Variants in SC5D observed in about 807,000 individuals in gnomAD.
SC5D encodes lathosterol oxidase.
In SC5D, 21 loss-of-function variants were observed where a neutral mutation model predicts 23.9. The observed-to-expected ratio is 0.88, with a 90% CI of 0.62 to 1.26. The LOEUF (loss-of-function observed/expected upper bound fraction) is 1.26. Among genes scored for constraint, SC5D ranks in the 50% most tolerant of loss-of-function variants. SC5D has a pLI of 0.00. For missense variants in SC5D, 309 were observed against 364.8 expected (o/e 0.85, Z 1.25); for synonymous variants, 113 against 125.9 (o/e 0.90, Z 0.68).
At chr11:121,298,465 A>G (rs567108666) in intron 1 of SC5D, among the ~76,000 whole-genome samples, 78 of 152,232 alleles carry the variant, frequency 5.1e-4, no homozygotes, top group Non-Finnish European at 9.4e-4. Flanking sequence ...CAGCAATAAT[A>G]AATGTTTAAC....
At chr11:121,306,982 A>AT (rs1237945483) in intron 4 of SC5D, 75 bp from the exon 5 acceptor site, 1 of 1,223,674 alleles carries the variant, frequency 8.2e-7, no homozygotes, top group Non-Finnish European at 1.2e-6. Flanking sequence ...TGTTTCCAAC[A>AT]TGAGTGTGAG....
chr11:121,296,738 G>C (rs1245434571), intron 1 of SC5D, among the ~76,000 whole-genome samples: 1 of 152,108 alleles, frequency 6.6e-6, no homozygotes, highest in Non-Finnish European at 1.5e-5. Context: ...GTTCTTATTT[G>C]AATGAATTAA....
rs1043302469 is a variant in SC5D at position 121,308,396 on chromosome 11, T to G, written c.*884T>G. On this transcript the variant is annotated 3_prime_UTR_variant, in exon 5 of 5. Coordinates refer to ENST00000264027, the MANE Select transcript of SC5D (RefSeq NM_006918.5). ...CTTTTGATGTTTGAAGTTACAAACC[T>G]GTAATTTTTTTGTAAAGGAAATAAT... 14 of 152,230 alleles carry G rather than the reference T, an allele frequency of 9.2e-5. No homozygotes were observed. The highest frequency in any genetic ancestry group is 3.4e-4 in the African/African-American group (14 of 41,456). The allele number at this position is 152,230 out of a possible 1,614,324, so 9.4% of individuals were successfully genotyped here.
chr11:121,305,800 A>G (rs548835769), intron 3 of SC5D: 1 of 153,134 alleles, frequency 6.5e-6, no homozygotes, highest in East Asian at 1.9e-4. Flanking sequence ...GCTTTGAAAA[A>G]TGGATATGAT....
intron 1 of SC5D, among the ~76,000 whole-genome samples, chr11:121,293,829 G>A (rs1437072439): frequency 6.6e-6 from 1 of 152,184 alleles, no homozygotes; most frequent in Admixed American, 6.5e-5. Flanking sequence ...TCCCTCATCT[G>A]CATATAAAAC....
rs11415316 is a variant in SC5D at position 121,306,552 on chromosome 11, C to CT, written c.444+67dup. 2,050 of 839,646 alleles carry CT rather than the reference C, an allele frequency of 2.4e-3. 31 individuals carry two copies. The highest frequency in any genetic ancestry group is 0.024 in the African/African-American group (1,460 of 60,076). 52.0% of individuals were successfully genotyped at this position (839,646 alleles called of 1,614,324 possible). A position where few individuals can be genotyped will look rare whatever the true frequency, so the allele number is the denominator to read the frequency against. ...TTTCAGCAATGTATGATTATAAATTCTGTTCTCTATTTCCAAGAATTTCCT... is the reference window on the plus strand; with the variant it reads ...TTTCAGCAATGTATGATTATAAATTCTTGTTCTCTATTTCCAAGAATTTCCT... On this transcript the variant is annotated intron_variant, in intron 4 of 4. Coordinates refer to ENST00000264027, the MANE Select transcript of SC5D (RefSeq NM_006918.5).
rs1356531327 is a variant in SC5D, at chr11:121,310,678, T to A, written c.*3166T>A. Among the ~76,000 whole-genome samples, 1 of 152,068 alleles carries A rather than the reference T, an allele frequency of 6.6e-6. No homozygotes were observed. The highest frequency in any genetic ancestry group is 2.4e-5 in the African/African-American group (1 of 41,398). ...GGTTTCACCGTGTTAGCCAGGATGG[T>A]CTTGATCTCCTGACCTCATGATCTG... is the stretch of plus-strand genomic sequence containing the variant. On this transcript the variant is annotated 3_prime_UTR_variant, in exon 5 of 5. Transcript: ENST00000264027.
chr11:121,294,357 G>A (rs1947874422), intron 1 of SC5D, among the ~76,000 whole-genome samples: 1 of 152,008 alleles, frequency 6.6e-6, no homozygotes, highest in Non-Finnish European at 1.5e-5. Flanking sequence ...ATAGAACTTG[G>A]CAGAAGTTCA....
chr11:121,307,486 A>G lies in SC5D; in HGVS notation c.874A>G (p.Asn292Asp), dbSNP rs771541681. 5.0e-6 allele frequency: 8 copies of G among 1,605,778 alleles called. No individual in the cohort carries two copies. The highest frequency in any genetic ancestry group is 6.8e-6 in the Non-Finnish European group (8 of 1,177,120). ...GNGCKNEKLF[N>D]GEFTKTE is the part of the protein sequence containing the mutation. ...TGGCTGTAAGAATGAAAAATTATTCAATGGAGAGTTTACAAAGACTGAATA... is the reference window on the plus strand; with the variant it reads ...TGGCTGTAAGAATGAAAAATTATTCGATGGAGAGTTTACAAAGACTGAATA... Residue 292 changes from asparagine to aspartate, a missense_variant, in exon 5 of 5, where the codon AAT becomes GAT. Physicochemically the swap from Asn to Asp is conservative, Grantham distance 23. Transcript: ENST00000264027.
Position 121,310,382 on chromosome 11 carries a change from G to A in SC5D, c.*2870G>A, listed in dbSNP as rs949521012. On this transcript the variant is annotated 3_prime_UTR_variant, in exon 5 of 5. Coordinates refer to ENST00000264027, the MANE Select transcript of SC5D (RefSeq NM_006918.5). ...GGTGGGGCCTTGAGGAAGTGATTAA[G>A]TCATGAGGGCTCTGGGATTAATGAC... Among the ~76,000 whole-genome samples, 2 of 151,804 alleles carry A rather than the reference G, an allele frequency of 1.3e-5. No homozygotes were observed. The highest frequency in any genetic ancestry group is 2.9e-5 in the Non-Finnish European group (2 of 67,944).
In SC5D at chr11:121,307,732, A is replaced by C. The variant is rs192695606; in HGVS notation, c.*220A>C. 1 of 471,186 alleles carries C rather than the reference A, an allele frequency of 2.1e-6. No individual in the cohort carries two copies. Among genetic ancestry groups the C allele is most frequent in the East Asian group, 3.7e-5 (1 of 27,242 alleles). 29.2% of individuals were successfully genotyped at this position (471,186 alleles called of 1,614,324 possible). On this transcript the variant is annotated 3_prime_UTR_variant, in exon 5 of 5. Transcript: ENST00000264027. ...TTTAATCTTATGCTTAAAATGCCAGATGTTGTTCGGGGGACAACTTGTATC... is the reference window on the plus strand; with the variant it reads ...TTTAATCTTATGCTTAAAATGCCAGCTGTTGTTCGGGGGACAACTTGTATC...
At chr11:121,304,267 A>G in intron 2 of SC5D, 94 bp from the exon 3 acceptor site, 1 of 1,171,772 alleles carries the variant, frequency 8.5e-7, no homozygotes, top group East Asian at 2.4e-5. Context: ...CTTCATGTAA[A>G]AGAGATTTTA....
chr11:121,296,202 T>C (rs772634782), intron 1 of SC5D, among the ~76,000 whole-genome samples: 4 of 152,302 alleles, frequency 2.6e-5, no homozygotes, highest in Non-Finnish European at 4.4e-5. Flanking sequence ...ATGGTTTTTA[T>C]GAAATGTGGG....
At chr11:121,299,523 A>G (rs1023035290) in intron 1 of SC5D, among the ~76,000 whole-genome samples, 2 of 152,258 alleles carry the variant, frequency 1.3e-5, no homozygotes, top group African/African-American at 4.8e-5. Flanking sequence ...TTGTTAATAT[A>G]CAAATGAATT....
At position 121,305,604 on chromosome 11, in the gene SC5D, G is replaced by A. The variant is rs562387485; in HGVS notation, c.344-782G>A. On this transcript the variant is annotated intron_variant, in intron 3 of 4. Transcript: ENST00000264027. The stretch of plus-strand genomic sequence containing the variant: ...TAGCGGGGTGTGGTGGTGCACACCT[G>A]TAGTCCCAGCTACTCAGGAGGGTGA... 6 of 152,454 alleles carry A rather than the reference G, an allele frequency of 3.9e-5. No individual in the cohort carries two copies. The South Asian group carries it at 6.2e-4, about 16-fold the overall frequency. The allele number at this position is 152,454 out of a possible 1,614,324, so 9.4% of individuals were successfully genotyped here.
chr11:121,300,449 C>A (rs987426688), intron 1 of SC5D, among the ~76,000 whole-genome samples: 2 of 152,144 alleles, frequency 1.3e-5, no homozygotes, highest in South Asian at 4.1e-4. Flanking sequence ...ATCTCTCTGG[C>A]AATTCTCAAG....
intron 1 of SC5D, among the ~76,000 whole-genome samples, chr11:121,298,027 G>C: frequency 6.6e-6 from 1 of 151,804 alleles, no homozygotes; most frequent in East Asian, 1.9e-4. Flanking sequence ...CTTTTTCTTT[G>C]GGTCTTGCTC....
In SC5D at chr11:121,303,018, TC is replaced by T. The variant is rs1474246772; in HGVS notation, c.-10-345del. Among the ~76,000 whole-genome samples, 11 of 152,288 alleles carry T rather than the reference TC, an allele frequency of 7.2e-5. No homozygotes were observed. In the East Asian group the frequency reaches 1.4e-3, roughly 19 times the overall value. ...TGTCTGAGTACCTAGTCCCCTGCAT[TC>T]CCATCTTTACCACTTGCCATGCTGC... is the stretch of plus-strand genomic sequence containing the variant. On this transcript the variant is annotated intron_variant, in intron 1 of 4. Coordinates refer to ENST00000264027, the MANE Select transcript of SC5D (RefSeq NM_006918.5).
At chr11:121,303,768 A>C in intron 2 of SC5D, 183 bp downstream of exon 2, 1 of 581,046 alleles carries the variant, frequency 1.7e-6, no homozygotes. Context: ...TAGTTTAAGC[A>C]AATCTAACTT....
Sources: gnomAD v4.1 joint callset for allele counts (sites outside exome capture counted in the v4.1 genomes callset) on GRCh38, gnomAD v4.1.1 for gene constraint, MANE v1.5 for transcripts, NCBI Gene and HGNC (gene_info 2026-07-23, HGNC 2026-07-21) for gene names.